Variants in BIN1 observed in about 807,000 individuals in gnomAD.
The protein encoded by BIN1 is myc box-dependent-interacting protein 1.
BIN1 carries 53 observed loss-of-function variants against 82.0 expected under a neutral mutation model. That is an observed-to-expected ratio of 0.65 (90% CI 0.52 to 0.81). BIN1 has a LOEUF of 0.81. Ranked by LOEUF, BIN1 falls within the 40% of genes least tolerant of loss-of-function variation. The pLI is 0.00. For synonymous variants in BIN1, 302 were observed against 328.0 expected, an observed-to-expected ratio of 0.92 and a Z score of 0.86; for missense variants, 642 against 784.4, an observed-to-expected ratio of 0.82 and a Z score of 2.17.
intron 1 of BIN1, among the ~76,000 whole-genome samples, chr2:127,078,188 C>CG (rs1211203381): frequency 2.6e-5 from 4 of 151,958 alleles, no homozygotes; most frequent in African/African-American, 9.7e-5. Flanking sequence ...TGCACTTCCC[C>CG]CCCCAGCCAG....
At chr2:127,075,805 C>T (rs540431711) in intron 2 of BIN1, among the ~76,000 whole-genome samples, 11 of 119,294 alleles carry the variant, frequency 9.2e-5, no homozygotes, top group East Asian at 2.4e-4. Flanking sequence ...AGCTGCCCCC[C>T]CCACCGCCCT....
At position 127,090,290 on chromosome 2, in the gene BIN1, C is replaced by A. The variant is rs11887821; in HGVS notation, c.85-13584G>T. Among the ~76,000 whole-genome samples, 1 of 152,218 alleles carries A rather than the reference C, an allele frequency of 6.6e-6. No individual in the cohort carries two copies. The highest frequency in any genetic ancestry group is 1.5e-5 in the Non-Finnish European group (1 of 68,030). On this transcript the variant is annotated intron_variant, in intron 1 of 18. Coordinates refer to ENST00000316724, the MANE Select transcript of BIN1 (RefSeq NM_139343.3). This position sits in a 1 kb window ranked among gnomAD's most constrained non-coding sequence, Gnocchi z 6.4. ...GCAGCAAGGCCAGCCTGGTGCAACC[C>A]GCTGTGGCCACATGAGGAGCCCTGA...
Position 127,070,648 on chromosome 2 carries a change from C to CTG in BIN1, c.221-3_221-2dup, listed in dbSNP as rs1209666297. 6.2e-7 allele frequency: 1 copy of CTG among 1,614,114 alleles called. No homozygotes were observed. On this transcript the variant is annotated splice_acceptor_variant, in intron 3 of 18. Coordinates refer to ENST00000316724, the MANE Select transcript of BIN1 (RefSeq NM_139343.3). LOFTEE classifies it high-confidence loss of function. ...AGCTTCTTGGAAGCCTCGTGCATGG[C>CTG]TGTGGGGCAGAAAGGAAGTATGTGG...
rs1687419601 is a variant in BIN1 at position 127,082,434 on chromosome 2, C to T, written c.85-5728G>A. Among the ~76,000 whole-genome samples, 1 of 152,110 alleles carries T rather than the reference C, an allele frequency of 6.6e-6. No homozygotes were observed. The highest frequency in any genetic ancestry group is 1.5e-5 in the Non-Finnish European group (1 of 68,012). On this transcript the variant is annotated intron_variant, in intron 1 of 18. Transcript: ENST00000316724. The surrounding 1 kb of genome is among the most constrained non-coding windows in gnomAD (Gnocchi z 6.1). ...ACTCAGCTGGGGATACCAGGGACATCGCAGGACAAGTCTGCACCGAGACCA... is the reference window on the plus strand; with the variant it reads ...ACTCAGCTGGGGATACCAGGGACATTGCAGGACAAGTCTGCACCGAGACCA...
rs1435667768 is a variant in BIN1, at chr2:127,067,371, G to C, written c.612+792C>G. 1.3e-5 allele frequency among the ~76,000 whole-genome samples: 2 copies of C among 152,208 alleles called. No homozygotes were observed. The highest frequency in any genetic ancestry group is 1.9e-4 in the East Asian group (1 of 5,188). On this transcript the variant is annotated intron_variant, in intron 7 of 18. Coordinates refer to ENST00000316724, the MANE Select transcript of BIN1 (RefSeq NM_139343.3). The surrounding 1 kb of genome is among the most constrained non-coding windows in gnomAD (Gnocchi z 4.7). ...CTCTCACAGGGCACTGCATCCAGTG[G>C]TCCCTGGCCACACTGTAACCCATTT...
intron 1 of BIN1, among the ~76,000 whole-genome samples, chr2:127,080,554 T>C (rs1687157145): frequency 6.6e-6 from 1 of 152,184 alleles, no homozygotes. Flanking sequence ...ACTCACTCTG[T>C]GATAAACAAA....
intron 1 of BIN1, among the ~76,000 whole-genome samples, chr2:127,097,253 T>C (rs941704958): frequency 6.6e-6 from 1 of 152,066 alleles, no homozygotes; most frequent in Non-Finnish European, 1.5e-5. Context: ...GATCCACTGA[T>C]AGACCTCCCA....
In BIN1 at chr2:127,090,519, G is replaced by A. The variant is rs940898299; in HGVS notation, c.85-13813C>T. ...CCCATCTGTCCCTCCACACAAGTGCGGGTGCTATTCTCAGCCCAGCTCCAG... is the reference window on the plus strand; with the variant it reads ...CCCATCTGTCCCTCCACACAAGTGCAGGTGCTATTCTCAGCCCAGCTCCAG... On this transcript the variant is annotated intron_variant, in intron 1 of 18. Coordinates refer to ENST00000316724, the MANE Select transcript of BIN1 (RefSeq NM_139343.3). The surrounding 1 kb of genome is among the most constrained non-coding windows in gnomAD (Gnocchi z 6.4). 7.9e-5 allele frequency among the ~76,000 whole-genome samples: 12 copies of A among 152,340 alleles called. 1 individual carries two copies. The highest frequency in any genetic ancestry group is 6.2e-4 in the South Asian group (3 of 4,826).
rs202052327 is a variant in BIN1 at position 127,070,733 on chromosome 2, G to A, written c.220+29C>T. The stretch of plus-strand genomic sequence containing the variant: ...AGCTCTGCACCCACCAGCTCTACAC[G>A]GGCCAGGTGCGCTCTGCCTGCCTCC... On this transcript the variant is annotated intron_variant, in intron 3 of 18. Coordinates refer to ENST00000316724, the MANE Select transcript of BIN1 (RefSeq NM_139343.3). The A allele has an allele frequency of 2.2e-5, 36 of 1,613,956 alleles. 1 individual carries two copies. Among genetic ancestry groups the A allele is most frequent in the East Asian group, 1.6e-4 (7 of 44,866 alleles).
Position 127,052,355 on chromosome 2 carries a change from T to C in BIN1, c.1271A>G (p.Glu424Gly), listed in dbSNP as rs1468092156. ...SIPWDLWEPT[E>G]SPAGSLPSGE... The stretch of plus-strand genomic sequence containing the variant: ...GGAAGGCAGGCTGCCGGCTGGACTC[T>C]CTGTGGGCTGGTAACAGGCCACGAG... Residue 424 changes from glutamate (E) to glycine (G), a missense_variant, in exon 15 of 19, where the codon GAG becomes GGG. Transcript: ENST00000316724. 2.5e-6 allele frequency: 4 copies of C among 1,578,418 alleles called. No individual in the cohort carries two copies. Among genetic ancestry groups the C allele is most frequent in the African/African-American group, 1.3e-5 (1 of 74,440 alleles).
rs1681273479 is a variant in BIN1, at chr2:127,107,151, A to C, written c.-208T>G. 1 of 450,054 alleles carries C rather than the reference A, an allele frequency of 2.2e-6. No individual in the cohort carries two copies. The highest frequency in any genetic ancestry group is 3.6e-6 in the Non-Finnish European group (1 of 274,788). The allele number at this position is 450,054 out of a possible 1,614,324, so 27.9% of individuals were successfully genotyped here. ...GCTAGCCAGCGAGCGACGCGGGGAC[A>C]GAGGGAGGGAGAGGGGAGGGGCCGG... On this transcript the variant is annotated 5_prime_UTR_variant, in exon 1 of 19. Coordinates refer to ENST00000316724, the MANE Select transcript of BIN1 (RefSeq NM_139343.3). This position sits in a 1 kb window ranked among gnomAD's most constrained non-coding sequence, Gnocchi z 5.9.
chr2:127,050,987 G>A (rs932285344), intron 16 of BIN1, 75 bp from the exon 17 acceptor site: 7 of 1,531,146 alleles, frequency 4.6e-6, no homozygotes, highest in Admixed American at 1.7e-5. Flanking sequence ...GAGAAGAGGG[G>A]CGGGGAGGGG....
intron 18 of BIN1, among the ~76,000 whole-genome samples, chr2:127,049,555 C>T (rs759775350): frequency 5.3e-5 from 8 of 152,252 alleles, no homozygotes; most frequent in Non-Finnish European, 1.2e-4. Flanking sequence ...CCTATTCACA[C>T]AGAAGCGTTG....
chr2:127,069,565 C>CCA (rs1435876007), intron 5 of BIN1, among the ~76,000 whole-genome samples: 1 of 152,202 alleles, frequency 6.6e-6, no homozygotes, highest in East Asian at 1.9e-4. Context: ...ATGCACACAA[C>CCA]CACACGCACA....
Position 127,068,085 on chromosome 2 carries a change from G to T in BIN1, c.612+78C>A. 1 of 1,436,320 alleles carries T rather than the reference G, an allele frequency of 7.0e-7. No homozygotes were observed. Among genetic ancestry groups the T allele is most frequent in the Non-Finnish European group, 9.6e-7 (1 of 1,037,860 alleles). 89.0% of individuals were successfully genotyped at this position (1,436,320 alleles called of 1,614,324 possible). A position where few individuals can be genotyped will look rare whatever the true frequency, so the allele number is the denominator to read the frequency against. On this transcript the variant is annotated intron_variant, in intron 7 of 18. Transcript: ENST00000316724. The surrounding 1 kb of genome is among the most constrained non-coding windows in gnomAD (Gnocchi z 4.9). The stretch of plus-strand genomic sequence containing the variant: ...CCAGCTGGGCTCAGATGCCAGCCCT[G>T]CATTCCACCGCAGGGCGAGAGGACA...
chr2:127,063,812 C>T, intron 8 of BIN1, 121 bp downstream of exon 8: 2 of 1,441,304 alleles, frequency 1.4e-6, no homozygotes, highest in Non-Finnish European at 1.9e-6. Flanking sequence ...AGGCTGGGCA[C>T]CGCAGCACGC....
Position 127,059,286 on chromosome 2 carries a change from GT to G in BIN1, c.858-132del. 1 of 1,029,202 alleles carries G rather than the reference GT, an allele frequency of 9.7e-7. No homozygotes were observed. The highest frequency in any genetic ancestry group is 1.4e-5 in the South Asian group (1 of 70,034). 63.8% of individuals were successfully genotyped at this position (1,029,202 alleles called of 1,614,324 possible). ...GGTGTGAAACTGTGTGTGTGTGTGT[GT>G]GTGTGTATGTGAGAGAGAGCAGGAG... On this transcript the variant is annotated intron_variant, in intron 10 of 18. Transcript: ENST00000316724. This position sits in a 1 kb window ranked among gnomAD's most constrained non-coding sequence, Gnocchi z 6.7.
chr2:127,060,132 G>A (rs1026884816), intron 10 of BIN1, among the ~76,000 whole-genome samples: 6 of 152,192 alleles, frequency 3.9e-5, no homozygotes, highest in Non-Finnish European at 7.4e-5. Context: ...GTGGAACAGC[G>A]TAAGAGATGT....
At chr2:127,104,903 G>A (rs1056677871) in intron 1 of BIN1, among the ~76,000 whole-genome samples, 4 of 152,200 alleles carry the variant, frequency 2.6e-5, no homozygotes, top group Admixed American at 6.5e-5. Context: ...TGGGGGGAGG[G>A]TCCCTAACTA....
Sources: allele counts gnomAD v4.1 joint callset (sites outside exome capture counted in the v4.1 genomes callset), GRCh38; gene constraint gnomAD v4.1.1; non-coding constraint Gnocchi (gnomAD v3.1); transcripts MANE v1.5; gene names NCBI Gene and HGNC (gene_info 2026-07-23, HGNC 2026-07-21).